Variants in SORCS2 observed in about 807,000 individuals in gnomAD.
SORCS2 encodes the protein VPS10 domain-containing receptor SorCS2.
A neutral mutation model predicts 141.6 loss-of-function variants in SORCS2; 100 were observed. The ratio of observed to expected loss-of-function variants is 0.71; its 90% confidence interval spans 0.60 to 0.83. The LOEUF (loss-of-function observed/expected upper bound fraction) is 0.83. SORCS2 is among the 40% of genes least tolerant of loss of function. The pLI is 0.00. For synonymous variants in SORCS2, 789 were observed against 676.9 expected (o/e 1.17, Z -2.57); for missense variants, 1,646 against 1,560.2 (o/e 1.05, Z -0.93).
At chr4:7,492,127 C>T (rs1731353780) in intron 2 of SORCS2, among the ~76,000 whole-genome samples, 1 of 152,236 alleles carries the variant, frequency 6.6e-6, no homozygotes, top group African/African-American at 2.4e-5. Flanking sequence ...CAGGTGCACG[C>T]TGCTGCTCCC....
intron 14 of SORCS2, among the ~76,000 whole-genome samples, chr4:7,707,122 C>T (rs961978242): frequency 6.6e-6 from 1 of 152,220 alleles, no homozygotes; most frequent in Non-Finnish European, 1.5e-5. Flanking sequence ...CTCTCCGGGC[C>T]GAGCAGAGGT....
At chr4:7,298,357 G>T (rs141250464) in intron 1 of SORCS2, among the ~76,000 whole-genome samples, 18 of 152,304 alleles carry the variant, frequency 1.2e-4, no homozygotes, top group East Asian at 5.8e-4. Flanking sequence ...GGTGGGCCTT[G>T]TCTTTCCTGG....
rs146060552 is a variant in SORCS2, at chr4:7,402,826, T to C, written c.548+6471T>C. ...TCATACCTGGTAAGATGGAACATAT[T>C]TTTCTGTGTTTATTGACTTTTTGGG... On this transcript the variant is annotated intron_variant, in intron 2 of 26. Transcript: ENST00000507866. Among the ~76,000 whole-genome samples, 4 of 152,196 alleles carry C rather than the reference T, an allele frequency of 2.6e-5. No homozygotes were observed. The East Asian group carries it at 7.7e-4, about 29-fold the overall frequency.
chr4:7,462,567 C>T (rs7693992), intron 2 of SORCS2, among the ~76,000 whole-genome samples: 45,613 of 151,696 alleles, frequency 0.3, 7,409 homozygotes, highest in Middle Eastern at 0.39. Flanking sequence ...CACCTGGAGG[C>T]GACTCACAGT....
chr4:7,213,611 G>A (rs1298389471), intron 1 of SORCS2, among the ~76,000 whole-genome samples: 1 of 152,214 alleles, frequency 6.6e-6, no homozygotes, highest in Admixed American at 6.5e-5. Context: ...TTAACTCAGG[G>A]ACTGCTGGCA....
intron 3 of SORCS2, among the ~76,000 whole-genome samples, chr4:7,600,806 A>G (rs1273146328): frequency 1.3e-5 from 2 of 152,122 alleles, no homozygotes; most frequent in African/African-American, 4.8e-5. Context: ...TCTCTTTCGT[A>G]TGAGACTTAT....
At chr4:7,561,656 C>T (rs1714585165) in intron 3 of SORCS2, among the ~76,000 whole-genome samples, 1 of 151,976 alleles carries the variant, frequency 6.6e-6, no homozygotes, top group Non-Finnish European at 1.5e-5. Flanking sequence ...ATCCGTCTAC[C>T]CATTCATCCA....
intron 2 of SORCS2, among the ~76,000 whole-genome samples, chr4:7,398,726 G>C (rs375653792): frequency 4.6e-5 from 7 of 152,154 alleles, no homozygotes; most frequent in African/African-American, 1.7e-4. Context: ...TAGTGACAGG[G>C]TCTGCGTCAT....
Position 7,429,894 on chromosome 4 carries a change from T to G in SORCS2, c.548+33539T>G, listed in dbSNP as rs142425273. Among the ~76,000 whole-genome samples the G allele has an allele frequency of 5.1e-4, 77 of 152,290 alleles. No individual in the cohort carries two copies. The East Asian group carries it at 0.014, about 27-fold the overall frequency. ...TGGGGAATAGAATAAGAATAGTCCC[T>G]GTCTCACGGTGACTGTGGGAGGTGG... On this transcript the variant is annotated intron_variant, in intron 2 of 26. Coordinates refer to ENST00000507866, the MANE Select transcript of SORCS2 (RefSeq NM_020777.3).
At chr4:7,614,716 C>T (rs960419310) in intron 3 of SORCS2, among the ~76,000 whole-genome samples, 6 of 151,860 alleles carry the variant, frequency 4.0e-5, no homozygotes, top group Non-Finnish European at 7.4e-5. Flanking sequence ...ATCCACCACC[C>T]ACCCATCAAT....
intron 11 of SORCS2, among the ~76,000 whole-genome samples, chr4:7,692,401 A>ATTTC (rs2108990602): frequency 6.6e-6 from 1 of 152,314 alleles, no homozygotes; most frequent in African/African-American, 2.4e-5. Context: ...GGACTCTGAG[A>ATTTC]TTTCACTGCA....
intron 3 of SORCS2, among the ~76,000 whole-genome samples, chr4:7,625,244 T>G (rs1030733768): frequency 9.2e-5 from 14 of 152,144 alleles, no homozygotes; most frequent in African/African-American, 3.4e-4. Flanking sequence ...TATTGGATGC[T>G]TGTCAGCTCA....
intron 3 of SORCS2, among the ~76,000 whole-genome samples, chr4:7,584,832 G>C (rs1716427594): frequency 1.3e-5 from 2 of 152,196 alleles, no homozygotes; most frequent in Admixed American, 1.3e-4. Flanking sequence ...CCATTACCCA[G>C]TTGAACTGAG....
chr4:7,565,826 GTGA>G (rs144755053), intron 3 of SORCS2, among the ~76,000 whole-genome samples: 4 of 118,906 alleles, frequency 3.4e-5, no homozygotes, highest in African/African-American at 8.0e-5. Context: ...GATGGCAATG[GTGA>G]TGATGATGGT....
intron 2 of SORCS2, among the ~76,000 whole-genome samples, chr4:7,497,406 G>A (rs1244214236): frequency 6.6e-6 from 1 of 152,048 alleles, no homozygotes; most frequent in Admixed American, 6.5e-5. Context: ...CTAAATCCAA[G>A]TCCCCTCCCA....
At chr4:7,385,543 C>T (rs1470193046) in intron 1 of SORCS2, among the ~76,000 whole-genome samples, 1 of 152,162 alleles carries the variant, frequency 6.6e-6, no homozygotes, top group Non-Finnish European at 1.5e-5. Flanking sequence ...TTGAGTCCAT[C>T]ACAGCTGGGG....
intron 1 of SORCS2, among the ~76,000 whole-genome samples, chr4:7,210,870 C>T (rs1393995895): frequency 1.3e-5 from 2 of 152,178 alleles, no homozygotes; most frequent in Admixed American, 1.3e-4. Context: ...ATTCCTGAGC[C>T]CCCAACAAGA....
intron 2 of SORCS2, among the ~76,000 whole-genome samples, chr4:7,424,671 C>T (rs191136429): frequency 1.9e-4 from 29 of 152,330 alleles, no homozygotes; most frequent in Non-Finnish European, 2.6e-4. Context: ...ACAGCAGCTC[C>T]CCAGCCCAGA....
intron 3 of SORCS2, among the ~76,000 whole-genome samples, chr4:7,579,528 G>T (rs1716000422): frequency 6.6e-6 from 1 of 152,082 alleles, no homozygotes; most frequent in African/African-American, 2.4e-5. Flanking sequence ...CCCTCCCCTT[G>T]GTCCTCCGAC....
Sources: gnomAD v4.1 joint callset for allele counts (sites outside exome capture counted in the v4.1 genomes callset) on GRCh38, gnomAD v4.1.1 for gene constraint, MANE v1.5 for transcripts, NCBI Gene and HGNC (gene_info 2026-07-23, HGNC 2026-07-21) for gene names.